Variants in FMN2 observed in about 807,000 individuals in gnomAD.
FMN2 encodes formin-2.
FMN2 carries 51 observed loss-of-function variants against 142.3 expected under a neutral mutation model. The observed-to-expected ratio is 0.36, with a 90% CI of 0.29 to 0.45. FMN2 has a LOEUF of 0.45. Among genes scored for constraint, FMN2 ranks in the 20% least tolerant of loss-of-function variants. FMN2 has a pLI of 1.00. For synonymous variants in FMN2, 882 were observed against 869.8 expected (o/e 1.01, Z -0.25); for missense variants, 1,936 against 2,122.8 (o/e 0.91, Z 1.73).
intron 13 of FMN2, among the ~76,000 whole-genome samples, chr1:240,350,899 C>G (rs1241320985): frequency 1.3e-5 from 2 of 152,106 alleles, no homozygotes; most frequent in Non-Finnish European, 2.9e-5. Flanking sequence ...TGTGCATAAG[C>G]AAGACATTTT....
chr1:240,303,698 A>G (rs960020461), intron 8 of FMN2, among the ~76,000 whole-genome samples: 1 of 152,162 alleles, frequency 6.6e-6, no homozygotes, highest in Non-Finnish European at 1.5e-5. Flanking sequence ...TTATGTTCAC[A>G]TCTTTCATCA....
intron 15 of FMN2, among the ~76,000 whole-genome samples, chr1:240,413,504 G>A (rs186256595): frequency 2.2e-4 from 34 of 152,274 alleles, no homozygotes; most frequent in African/African-American, 7.2e-4. Flanking sequence ...AGATATGTTG[G>A]CCTTAATTGG....
intron 4 of FMN2, among the ~76,000 whole-genome samples, chr1:240,191,577 C>T (rs1004157176): frequency 6.6e-6 from 1 of 152,186 alleles, no homozygotes; most frequent in Non-Finnish European, 1.5e-5. Flanking sequence ...TCTTTTGATT[C>T]TGTTTATTAA....
intron 2 of FMN2, among the ~76,000 whole-genome samples, chr1:240,176,323 G>T (rs1313452917): frequency 2.6e-5 from 4 of 152,148 alleles, no homozygotes; most frequent in Non-Finnish European, 2.9e-5. Context: ...ACATTAGTTT[G>T]CACAAGAGCC....
intron 2 of FMN2, chr1:240,170,012 TAAACTC>T: frequency 3.7e-6 from 2 of 547,180 alleles, no homozygotes; most frequent in Non-Finnish European, 6.5e-6. Flanking sequence ...GAGAGGAACT[TAAACTC>T]AGATTAATTC....
At chr1:240,322,027 C>T (rs1483358120) in intron 8 of FMN2, among the ~76,000 whole-genome samples, 5 of 152,138 alleles carry the variant, frequency 3.3e-5, no homozygotes, top group African/African-American at 7.2e-5. Flanking sequence ...ATACACCTAG[C>T]TTATCTATCA....
chr1:240,144,179 G>T (rs971682539), intron 2 of FMN2: 3 of 1,466,674 alleles, frequency 2.0e-6, no homozygotes, highest in East Asian at 4.5e-5. Context: ...CCTTGTTCTT[G>T]TAAAGCCATT....
chr1:240,126,370 C>CCG (rs1553328372), intron 2 of FMN2, among the ~76,000 whole-genome samples: 9 of 151,364 alleles, frequency 5.9e-5, no homozygotes, highest in African/African-American at 2.2e-4. Context: ...ACCTACCCCC[C>CCG]CCCACTTTGT....
intron 1 of FMN2, among the ~76,000 whole-genome samples, chr1:240,099,574 C>T (rs1009735625): frequency 1.1e-4 from 17 of 152,228 alleles, no homozygotes; most frequent in African/African-American, 2.9e-4. Context: ...TACCTTCCCA[C>T]GGTCTCCTTC....
intron 14 of FMN2, among the ~76,000 whole-genome samples, chr1:240,372,511 AATATATT>A (rs1672900883): frequency 6.6e-6 from 1 of 151,240 alleles, no homozygotes; most frequent in Admixed American, 6.6e-5. Flanking sequence ...TTATAGATGG[AATATATT>A]ATATATTTTG....
chr1:240,437,186 A>C (rs1224905531), intron 15 of FMN2, among the ~76,000 whole-genome samples: 2 of 152,208 alleles, frequency 1.3e-5, no homozygotes, highest in East Asian at 3.9e-4. Context: ...GCACCTTCTG[A>C]AAACTGGCCC....
At chr1:240,442,340 CTG>C (rs369673286) in intron 16 of FMN2, among the ~76,000 whole-genome samples, 42 of 152,350 alleles carry the variant, frequency 2.8e-4, no homozygotes, top group African/African-American at 9.1e-4. Flanking sequence ...GTGTCCATCT[CTG>C]GATCAGCCCT....
Position 240,121,076 on chromosome 1 carries a change from G to A in FMN2, c.1616-2103G>A, listed in dbSNP as rs539108186. Among the ~76,000 whole-genome samples, 23 of 152,184 alleles carry A rather than the reference G, an allele frequency of 1.5e-4. No homozygotes were observed. In the East Asian group the frequency reaches 3.1e-3, roughly 21 times the overall value. ...CTTGGGAGGCTGAGGCAGGAGAATC[G>A]CTTGAACCCGGGAGGCGGAGGTTGC... On this transcript the variant is annotated intron_variant, in intron 1 of 17. Transcript: ENST00000319653.
chr1:240,118,390 G>A (rs1321103193), intron 1 of FMN2, among the ~76,000 whole-genome samples: 2 of 152,118 alleles, frequency 1.3e-5, no homozygotes, highest in East Asian at 1.9e-4. Context: ...ATAAAATGAC[G>A]CTGCTGGGGC....
At chr1:240,350,035 A>T (rs1003683334) in intron 13 of FMN2, among the ~76,000 whole-genome samples, 3 of 151,998 alleles carry the variant, frequency 2.0e-5, no homozygotes, top group African/African-American at 7.3e-5. Context: ...GTGCAACTTG[A>T]TGTGCTACAG....
At chr1:240,214,483 A>G (rs1572074617) in intron 6 of FMN2, among the ~76,000 whole-genome samples, 1 of 150,968 alleles carries the variant, frequency 6.6e-6, no homozygotes, top group Non-Finnish European at 1.5e-5. Flanking sequence ...CCCGGGAAGC[A>G]GAGGTTGCAG....
At position 240,114,417 on chromosome 1, in the gene FMN2, G is replaced by C. The variant is rs150372617; in HGVS notation, c.1616-8762G>C. Reference sequence around the variant, plus strand: ...AGGCTGGGGGACAGCAGGAAAGCTCGATGGGGGATGCTGTGTACTTTATGA... The same window carrying C: ...AGGCTGGGGGACAGCAGGAAAGCTCCATGGGGGATGCTGTGTACTTTATGA... On this transcript the variant is annotated intron_variant, in intron 1 of 17. Coordinates refer to ENST00000319653, the MANE Select transcript of FMN2 (RefSeq NM_020066.5). 9.9e-4 allele frequency among the ~76,000 whole-genome samples: 150 copies of C among 152,212 alleles called. 2 individuals carry two copies. The East Asian group carries it at 0.023, about 24-fold the overall frequency.
chr1:240,150,254 C>T (rs1230890183), intron 2 of FMN2, among the ~76,000 whole-genome samples: 4 of 152,124 alleles, frequency 2.6e-5, no homozygotes, highest in Non-Finnish European at 5.9e-5. Flanking sequence ...CTTATAGATA[C>T]GATGAACTGC....
At chr1:240,362,446 G>T (rs561809608) in intron 14 of FMN2, among the ~76,000 whole-genome samples, 1 of 152,082 alleles carries the variant, frequency 6.6e-6, no homozygotes, top group African/African-American at 2.4e-5. Flanking sequence ...AGAAAGATGA[G>T]ATAAATGTGA....
Sources: allele counts gnomAD v4.1 joint callset (sites outside exome capture counted in the v4.1 genomes callset), GRCh38; gene constraint gnomAD v4.1.1; transcripts MANE v1.5; gene names NCBI Gene and HGNC (gene_info 2026-07-23, HGNC 2026-07-21).